RBFOX3: variants seen among roughly 807,000 people sequenced by gnomAD.
RBFOX3 encodes RNA binding fox-1 homolog 3.
Under a neutral mutation model 48.7 loss-of-function variants are expected in RBFOX3, and 17 were observed. The observed-to-expected ratio is 0.35, with a 90% confidence interval of 0.24 to 0.52. RBFOX3 has a LOEUF of 0.52. RBFOX3 is among the 20% of genes least tolerant of loss of function. The pLI, the probability that RBFOX3 is intolerant of heterozygous loss-of-function variation, is 0.94. For missense variants in RBFOX3, 382 were observed against 497.5 expected, an observed-to-expected ratio of 0.77 and a Z score of 2.21; for synonymous variants, 212 against 209.5, an observed-to-expected ratio of 1.01 and a Z score of -0.10.
chr17:79,549,357 C>A (rs1343244251), intron 1 of RBFOX3, among the ~76,000 whole-genome samples: 3 of 152,222 alleles, frequency 2.0e-5, no homozygotes, highest in Non-Finnish European at 4.4e-5. Context: ...CCGGCACAAC[C>A]CCAGGAATGA....
chr17:79,618,954 G>T, the RBFOX3 span, among the ~76,000 whole-genome samples: 3 of 152,182 alleles, frequency 2.0e-5, no homozygotes, highest in East Asian at 5.8e-4. Context: ...CCCAGTCGGG[G>T]TTTCTGCTCC....
At chr17:79,313,954 G>A (rs1442299002) in intron 2 of RBFOX3, among the ~76,000 whole-genome samples, 3 of 152,166 alleles carry the variant, frequency 2.0e-5, no homozygotes, top group African/African-American at 7.2e-5. Context: ...TTGCATGTCC[G>A]GCTCTTGCCC....
intron 4 of RBFOX3, among the ~76,000 whole-genome samples, chr17:79,178,881 G>A (rs185263376): frequency 1.3e-5 from 2 of 152,316 alleles, no homozygotes; most frequent in African/African-American, 2.4e-5. Flanking sequence ...ACAATTTTTC[G>A]GATGTGGCTG....
intron 4 of RBFOX3, among the ~76,000 whole-genome samples, chr17:79,170,458 C>G (rs76258112): frequency 6.6e-6 from 1 of 152,052 alleles, no homozygotes. Flanking sequence ...CAGGGAGCCA[C>G]GGCCTGGGGG....
chr17:79,404,150 C>T (rs1228408827), intron 2 of RBFOX3, among the ~76,000 whole-genome samples: 1 of 152,224 alleles, frequency 6.6e-6, no homozygotes, highest in African/African-American at 2.4e-5. Flanking sequence ...GTCCCGTCCC[C>T]ACTCTCAGTT....
the RBFOX3 span, among the ~76,000 whole-genome samples, chr17:79,639,466 G>A: frequency 3.3e-5 from 5 of 152,140 alleles, no homozygotes; most frequent in South Asian, 2.1e-4. Flanking sequence ...GTGAGCCACC[G>A]CACCCAGCCC....
At chr17:79,553,364 C>A (rs937791447) in intron 1 of RBFOX3, among the ~76,000 whole-genome samples, 1 of 152,102 alleles carries the variant, frequency 6.6e-6, no homozygotes, top group East Asian at 1.9e-4. Flanking sequence ...ATGCTTGGAT[C>A]CTATTTGGTA....
At chr17:79,368,847 A>G (rs552946143) in intron 2 of RBFOX3, among the ~76,000 whole-genome samples, 1 of 152,372 alleles carries the variant, frequency 6.6e-6, no homozygotes, top group South Asian at 2.1e-4. Context: ...TTAAGGGCCA[A>G]CGATGCTTTT....
intron 1 of RBFOX3, among the ~76,000 whole-genome samples, chr17:79,562,621 C>T (rs2092286267): frequency 6.6e-6 from 1 of 152,184 alleles, no homozygotes. Context: ...TCTGAAAATA[C>T]ACATCCAGCA....
intron 4 of RBFOX3, among the ~76,000 whole-genome samples, chr17:79,128,487 T>C (rs1197702589): frequency 6.6e-6 from 1 of 152,104 alleles, no homozygotes; most frequent in African/African-American, 2.4e-5. Context: ...CAGCTCTCTC[T>C]CCCGCACCAG....
At chr17:79,166,504 T>C (rs2612758) in intron 4 of RBFOX3, among the ~76,000 whole-genome samples, 124,022 of 151,812 alleles carry the variant, frequency 0.82, 52,233 homozygotes, top group Non-Finnish European at 0.92. Context: ...CACGGGGAGC[T>C]GAGATGGGGG....
At chr17:79,270,321 C>T (rs2067437454) in intron 3 of RBFOX3, among the ~76,000 whole-genome samples, 2 of 152,158 alleles carry the variant, frequency 1.3e-5, no homozygotes, top group Admixed American at 6.5e-5. Context: ...TGCAGGTGTA[C>T]TGACCTGTCC....
At chr17:79,549,871 G>A (rs934562054) in intron 1 of RBFOX3, among the ~76,000 whole-genome samples, 1 of 152,216 alleles carries the variant, frequency 6.6e-6, no homozygotes, top group Non-Finnish European at 1.5e-5. Context: ...GAAAACTCCA[G>A]GCTTTAGTGA....
intron 1 of RBFOX3, among the ~76,000 whole-genome samples, chr17:79,582,310 CTG>C (rs1165812708): frequency 1.3e-5 from 2 of 151,690 alleles, no homozygotes; most frequent in African/African-American, 4.8e-5. Context: ...GTGCCTATGC[CTG>C]TGTGTGTGTG....
In RBFOX3 at chr17:79,418,755, G is replaced by A. The variant is rs570120694; in HGVS notation, c.-175+63699C>T. ...GACTTGCTGCTTGAGAAGGAGGTTTGGGAGAGGAATTCCTTCCCAAAAAGT... is the reference window on the plus strand; with the variant it reads ...GACTTGCTGCTTGAGAAGGAGGTTTAGGAGAGGAATTCCTTCCCAAAAAGT... On this transcript the variant is annotated intron_variant, in intron 2 of 14. Coordinates refer to ENST00000693108, the MANE Select transcript of RBFOX3 (RefSeq NM_001350451.2). The surrounding 1 kb of genome is among the most constrained non-coding windows in gnomAD (Gnocchi z 5.0). 6.6e-6 allele frequency among the ~76,000 whole-genome samples: 1 copy of A among 152,148 alleles called. No individual in the cohort carries two copies. The highest frequency in any genetic ancestry group is 2.1e-4 in the South Asian group (1 of 4,808).
chr17:79,165,460 C>T (rs888451059), intron 4 of RBFOX3, among the ~76,000 whole-genome samples: 1 of 152,160 alleles, frequency 6.6e-6, no homozygotes, highest in African/African-American at 2.4e-5. Context: ...CAGGAGGGCA[C>T]AGCGGGGTCC....
intron 2 of RBFOX3, among the ~76,000 whole-genome samples, chr17:79,444,571 C>A (rs1206478998): frequency 3.3e-5 from 5 of 152,214 alleles, no homozygotes; most frequent in East Asian, 3.9e-4. Context: ...TTCCTCTGGG[C>A]ACCCAAGGCT....
intron 8 of RBFOX3, among the ~76,000 whole-genome samples, 172 bp from the exon 9 acceptor site, chr17:79,101,816 C>T (rs374620322): frequency 2.6e-5 from 4 of 152,148 alleles, no homozygotes; most frequent in African/African-American, 7.2e-5. Context: ...GCTCCCAGCA[C>T]GGGCTAAAGC....
chr17:79,118,737 C>G (rs1032257131), intron 4 of RBFOX3, among the ~76,000 whole-genome samples: 1 of 151,790 alleles, frequency 6.6e-6, no homozygotes, highest in African/African-American at 2.4e-5. Flanking sequence ...CTTTGGGAGG[C>G]TGAGGTGGGA....
Sources: allele counts gnomAD v4.1 joint callset (sites outside exome capture counted in the v4.1 genomes callset), GRCh38; gene constraint gnomAD v4.1.1; non-coding constraint Gnocchi (gnomAD v3.1); transcripts MANE v1.5; gene names NCBI Gene and HGNC (gene_info 2026-07-23, HGNC 2026-07-21).